The following DPP6 variants were observed in gnomAD, a reference collection of about 807,000 sequenced individuals.
The protein encoded by DPP6 is A-type potassium channel modulatory protein DPP6.
In DPP6, 69 loss-of-function variants were observed where a neutral mutation model predicts 122.6. That is an observed-to-expected ratio of 0.56 (90% CI 0.46 to 0.69). The LOEUF (loss-of-function observed/expected upper bound fraction) is 0.69. Ranked by LOEUF, DPP6 falls within the 30% of genes least tolerant of loss-of-function variation. The pLI, the probability that DPP6 is intolerant of heterozygous loss-of-function variation, is 0.00. For missense variants in DPP6, 928 were observed against 1,116.9 expected (o/e 0.83, Z 2.41); for synonymous variants, 418 against 433.1 (o/e 0.97, Z 0.43).
At chr7:154,696,809 C>T (rs896407689) in intron 7 of DPP6, among the ~76,000 whole-genome samples, 3 of 152,228 alleles carry the variant, frequency 2.0e-5, no homozygotes, top group African/African-American at 4.8e-5. Context: ...GTGCTGTGGG[C>T]AGCCAAAGGC....
chr7:154,887,641 C>T, intron 22 of DPP6, 35 bp from the exon 23 acceptor site: 1 of 1,612,098 alleles, frequency 6.2e-7, no homozygotes, highest in Non-Finnish European at 8.5e-7. Context: ...GGCCTCGAAG[C>T]CAGAGGTAAC....
rs1326756888 is a variant in DPP6, at chr7:154,763,229, G to T, written c.884-6188G>T. Among the ~76,000 whole-genome samples the T allele has an allele frequency of 3.9e-5, 6 of 152,304 alleles. No homozygotes were observed. The East Asian group carries it at 1.2e-3, about 29-fold the overall frequency. On this transcript the variant is annotated intron_variant, in intron 8 of 25. Transcript: ENST00000377770. ...TGCCTGTAATCCTAGCTACTCAGAA[G>T]GCTGAGGCAGGAGAATCACTTGAAC...
At chr7:154,557,553 A>C (rs1830133691) in intron 4 of DPP6, among the ~76,000 whole-genome samples, 1 of 152,134 alleles carries the variant, frequency 6.6e-6, no homozygotes, top group Non-Finnish European at 1.5e-5. Flanking sequence ...AAACAAACTA[A>C]AATTTGCTTC....
intron 15 of DPP6, 37 bp downstream of exon 15, chr7:154,805,001 C>T: frequency 6.4e-7 from 1 of 1,572,380 alleles, no homozygotes; most frequent in Non-Finnish European, 8.6e-7. Context: ...GGCTCTCCCC[C>T]TTAGGAGGGC....
chr7:153,905,009 G>A (rs1056702817), intron 1 of DPP6, among the ~76,000 whole-genome samples: 4 of 152,246 alleles, frequency 2.6e-5, no homozygotes, highest in Admixed American at 2.6e-4. Flanking sequence ...CAAAGGGTCT[G>A]ATCTAATGCC....
chr7:154,603,393 G>A (rs1833478617), intron 5 of DPP6, among the ~76,000 whole-genome samples: 1 of 117,904 alleles, frequency 8.5e-6, no homozygotes, highest in African/African-American at 2.7e-5. Context: ...CTGGCTGTGT[G>A]CGGTGGTTCA....
intron 8 of DPP6, among the ~76,000 whole-genome samples, chr7:154,749,039 T>A (rs927308816): frequency 6.0e-5 from 9 of 151,120 alleles, no homozygotes; most frequent in Admixed American, 5.3e-4. Flanking sequence ...GGATGGAGGC[T>A]TTACTGAGAG....
the DPP6 span, among the ~76,000 whole-genome samples, chr7:153,865,987 A>C: frequency 6.6e-6 from 1 of 151,974 alleles, no homozygotes; most frequent in Non-Finnish European, 1.5e-5. Flanking sequence ...TGAACCCATC[A>C]TTTTTTATGG....
chr7:154,648,111 T>A (rs1426196871), intron 6 of DPP6, among the ~76,000 whole-genome samples: 2 of 138,978 alleles, frequency 1.4e-5, no homozygotes, highest in African/African-American at 2.6e-5. Flanking sequence ...AAAAAAAAAA[T>A]TAGCCGGGCA....
chr7:154,142,312 T>A (rs1795885465), intron 1 of DPP6, among the ~76,000 whole-genome samples: 1 of 152,194 alleles, frequency 6.6e-6, no homozygotes, highest in African/African-American at 2.4e-5. Context: ...TGGCATTGGA[T>A]AATGTATTTG....
intron 1 of DPP6, among the ~76,000 whole-genome samples, chr7:154,377,043 C>T (rs534327817): frequency 6.6e-6 from 1 of 152,104 alleles, no homozygotes; most frequent in Admixed American, 6.5e-5. Flanking sequence ...TAATAAAAAA[C>T]CTAACAGTTG....
chr7:153,881,673 C>T, the DPP6 span, among the ~76,000 whole-genome samples: 1,706 of 152,220 alleles, frequency 0.011, 29 homozygotes, highest in African/African-American at 0.038. Context: ...GCTCACATGG[C>T]TCTCACTGCT....
chr7:154,287,880 G>C (rs1585836678), intron 1 of DPP6, among the ~76,000 whole-genome samples: 1 of 152,324 alleles, frequency 6.6e-6, no homozygotes, highest in Middle Eastern at 3.4e-3. Flanking sequence ...GATGATACTA[G>C]AGGCGATGGG....
At chr7:153,910,840 G>A (rs1013983917) in intron 1 of DPP6, among the ~76,000 whole-genome samples, 11 of 152,066 alleles carry the variant, frequency 7.2e-5, no homozygotes, top group East Asian at 1.9e-4. Context: ...CAAGCAGCTC[G>A]GGTTTCAGAT....
chr7:154,358,083 G>A, intron 1 of DPP6, among the ~76,000 whole-genome samples: 1 of 152,132 alleles, frequency 6.6e-6, no homozygotes. Flanking sequence ...ACCTTGACTT[G>A]TTAAGATTTT....
At chr7:153,868,184 T>A in the DPP6 span, among the ~76,000 whole-genome samples, 1 of 152,066 alleles carries the variant, frequency 6.6e-6, no homozygotes, top group Non-Finnish European at 1.5e-5. Flanking sequence ...TTAGGGAGGA[T>A]TCCCTCTTTT....
chr7:154,867,557 T>C (rs1803990767), intron 17 of DPP6, among the ~76,000 whole-genome samples: 1 of 152,228 alleles, frequency 6.6e-6, no homozygotes, highest in Admixed American at 6.5e-5. Flanking sequence ...TCTGGGAACA[T>C]TTAATAAAGA....
intron 1 of DPP6, among the ~76,000 whole-genome samples, chr7:154,350,495 G>A (rs1810759996): frequency 1.3e-5 from 2 of 152,152 alleles, no homozygotes; most frequent in African/African-American, 4.8e-5. Context: ...GTTGTTAAAT[G>A]TCAACCGAGT....
chr7:154,083,339 G>C (rs576409249), intron 1 of DPP6, among the ~76,000 whole-genome samples: 2 of 152,220 alleles, frequency 1.3e-5, no homozygotes, highest in East Asian at 3.9e-4. Context: ...CAGGTTGGCA[G>C]ACTCTGTGCA....
Sources: gnomAD v4.1 joint callset for allele counts (sites outside exome capture counted in the v4.1 genomes callset) on GRCh38, gnomAD v4.1.1 for gene constraint, MANE v1.5 for transcripts, NCBI Gene and HGNC (gene_info 2026-07-23, HGNC 2026-07-21) for gene names.